Variants in ANKMY2 observed in about 807,000 individuals in gnomAD.
ANKMY2 encodes ankyrin repeat and MYND domain-containing protein 2.
In ANKMY2, 36 loss-of-function variants were observed where a neutral mutation model predicts 50.4. The ratio of observed to expected loss-of-function variants is 0.71; its 90% confidence interval spans 0.55 to 0.94. The LOEUF (loss-of-function observed/expected upper bound fraction) is 0.94. Among genes scored for constraint, ANKMY2 ranks in the 40% least tolerant of loss-of-function variants. The pLI, the probability that ANKMY2 is intolerant of heterozygous loss-of-function variation, is 0.00. For missense variants in ANKMY2, 565 were observed against 524.0 expected (o/e 1.08, Z -0.76); for synonymous variants, 187 against 178.8 (o/e 1.05, Z -0.36).
In ANKMY2 at chr7:16,609,410, T is replaced by C. The variant is rs536858838; in HGVS notation, c.882+220A>G. 2.6e-5 allele frequency among the ~76,000 whole-genome samples: 4 copies of C among 152,344 alleles called. No homozygotes were observed. The South Asian group carries it at 8.3e-4, about 32-fold the overall frequency. On this transcript the variant is annotated intron_variant, in intron 7 of 9. Coordinates refer to ENST00000306999, the MANE Select transcript of ANKMY2 (RefSeq NM_020319.3). Reference sequence around the variant, plus strand: ...TCTACATTTCAACATAGCGACGTCCTGTTTATGAAACTATGAACCATAATA... The same window carrying C: ...TCTACATTTCAACATAGCGACGTCCCGTTTATGAAACTATGAACCATAATA...
chr7:16,601,160 G>T (rs1369067678), intron 9 of ANKMY2, among the ~76,000 whole-genome samples: 1 of 152,190 alleles, frequency 6.6e-6, no homozygotes, highest in African/African-American at 2.4e-5. Context: ...AGCAGAACCA[G>T]CATTTGAACT....
intron 1 of ANKMY2, among the ~76,000 whole-genome samples, chr7:16,645,092 C>T (rs915219525): frequency 3.3e-5 from 5 of 152,082 alleles, no homozygotes; most frequent in Admixed American, 6.5e-5. Context: ...CCAGATCATT[C>T]GGCCTGCGGA....
intron 9 of ANKMY2, 127 bp downstream of exon 9, chr7:16,602,253 G>T: frequency 8.8e-7 from 1 of 1,141,334 alleles, no homozygotes; most frequent in Non-Finnish European, 1.2e-6. Context: ...ATTTAAATGT[G>T]ATTCTTACAT....
chr7:16,629,165 T>C (rs1781544608), intron 2 of ANKMY2, among the ~76,000 whole-genome samples: 1 of 152,240 alleles, frequency 6.6e-6, no homozygotes, highest in African/African-American at 2.4e-5. Context: ...TTCTCACTTG[T>C]TCTTTTCTGT....
chr7:16,609,811 A>G (rs1781218661), intron 6 of ANKMY2, 46 bp from the exon 7 acceptor site: 2 of 1,595,858 alleles, frequency 1.3e-6, no homozygotes, highest in Non-Finnish European at 1.7e-6. Flanking sequence ...ATCACTAAGC[A>G]TTCTCTCCTA....
chr7:16,642,236 T>C (rs1043731278), intron 1 of ANKMY2, among the ~76,000 whole-genome samples: 11 of 152,034 alleles, frequency 7.2e-5, no homozygotes, highest in Admixed American at 7.2e-4. Context: ...TTAAAAAAGG[T>C]TTAATTTATT....
At chr7:16,602,548 T>G (rs1781089025) in intron 8 of ANKMY2, 39 bp from the exon 9 acceptor site, 8 of 1,592,688 alleles carry the variant, frequency 5.0e-6, no homozygotes, top group Non-Finnish European at 6.8e-6. Context: ...TTCCAGAGCT[T>G]GGGTTGTATG....
intron 8 of ANKMY2, among the ~76,000 whole-genome samples, chr7:16,603,286 A>G (rs1378836619): frequency 6.6e-6 from 1 of 152,178 alleles, no homozygotes; most frequent in Non-Finnish European, 1.5e-5. Context: ...AGGCACCTAA[A>G]TACATAATTT....
At chr7:16,630,440 G>A (rs1214552686) in intron 2 of ANKMY2, among the ~76,000 whole-genome samples, 1 of 152,140 alleles carries the variant, frequency 6.6e-6, no homozygotes, top group Non-Finnish European at 1.5e-5. Flanking sequence ...AATAGCATGA[G>A]AAACAAGCTT....
chr7:16,635,507 A>G (rs1781646486), intron 2 of ANKMY2, among the ~76,000 whole-genome samples: 2 of 152,206 alleles, frequency 1.3e-5, no homozygotes, highest in South Asian at 4.1e-4. Flanking sequence ...CTTATTATAT[A>G]TTAATTATAC....
In ANKMY2 at chr7:16,625,520, C is replaced by T. The variant is rs371511862; in HGVS notation, c.272-439G>A. Among the ~76,000 whole-genome samples, 17 of 152,324 alleles carry T rather than the reference C, an allele frequency of 1.1e-4. No homozygotes were observed. The East Asian group carries it at 2.7e-3, about 24-fold the overall frequency. ...TAACCACTGGGCATCTATCTTTCTA[C>T]ACCTTTTTTCTATCTAAACATACAC... On this transcript the variant is annotated intron_variant, in intron 3 of 9. Transcript: ENST00000306999.
intron 1 of ANKMY2, among the ~76,000 whole-genome samples, chr7:16,640,804 C>T (rs553193790): frequency 2.9e-4 from 44 of 152,260 alleles, no homozygotes; most frequent in Admixed American, 2.0e-3. Context: ...GGTCACTCTA[C>T]AGGCATGAGC....
At chr7:16,611,530 T>C (rs996505126) in intron 5 of ANKMY2, among the ~76,000 whole-genome samples, 2 of 152,180 alleles carry the variant, frequency 1.3e-5, no homozygotes, top group African/African-American at 2.4e-5. Flanking sequence ...GCTGTAAATA[T>C]CCATGGTGGC....
intron 4 of ANKMY2, among the ~76,000 whole-genome samples, chr7:16,619,588 T>C (rs963783343): frequency 6.6e-6 from 1 of 152,224 alleles, no homozygotes; most frequent in Non-Finnish European, 1.5e-5. Flanking sequence ...GAATAATATG[T>C]TTAAAGTTTA....
At chr7:16,633,617 A>C (rs1468213982) in intron 2 of ANKMY2, among the ~76,000 whole-genome samples, 1 of 152,160 alleles carries the variant, frequency 6.6e-6, no homozygotes, top group African/African-American at 2.4e-5. Flanking sequence ...TTTCGAATGT[A>C]TTATACTACA....
chr7:16,626,092 T>G (rs536671500), intron 3 of ANKMY2, among the ~76,000 whole-genome samples: 63 of 149,662 alleles, frequency 4.2e-4, no homozygotes, highest in African/African-American at 1.4e-3. Flanking sequence ...AAAATCCTCC[T>G]GCCACAGCCT....
intron 9 of ANKMY2, 50 bp downstream of exon 9, chr7:16,602,330 A>ATC: frequency 1.3e-6 from 2 of 1,590,740 alleles, no homozygotes; most frequent in South Asian, 1.2e-5. Flanking sequence ...ATCACCTATC[A>ATC]TCTCTCTCTC....
chr7:16,620,459 T>C (rs2286226), intron 4 of ANKMY2, among the ~76,000 whole-genome samples: 26,106 of 152,156 alleles, frequency 0.17, 2,499 homozygotes, highest in Admixed American at 0.28. Context: ...AAACAGAGAA[T>C]GTGGAGAAAT....
intron 2 of ANKMY2, among the ~76,000 whole-genome samples, chr7:16,634,190 C>G (rs1273187111): frequency 6.6e-6 from 1 of 152,008 alleles, no homozygotes; most frequent in Non-Finnish European, 1.5e-5. Flanking sequence ...TAAAATTAAA[C>G]AAAATTAGAA....
Sources: gnomAD v4.1 joint callset for allele counts (sites outside exome capture counted in the v4.1 genomes callset) on GRCh38, gnomAD v4.1.1 for gene constraint, MANE v1.5 for transcripts, NCBI Gene and HGNC (gene_info 2026-07-23, HGNC 2026-07-21) for gene names.